Variants in UNC5D observed in about 807,000 individuals in gnomAD.
UNC5D encodes unc-5 netrin receptor D, also known as netrin receptor UNC5D.
In UNC5D, 39 loss-of-function variants were observed where a neutral mutation model predicts 105.4. That is an observed-to-expected ratio of 0.37 (90% CI 0.29 to 0.48). The LOEUF (loss-of-function observed/expected upper bound fraction) is 0.48, where lower values mean the gene tolerates loss of function less well. UNC5D is among the 20% of genes least tolerant of loss of function. UNC5D has a pLI of 0.98. For missense variants in UNC5D, 991 were observed against 1,202.4 expected (o/e 0.82, Z 2.60); for synonymous variants, 452 against 450.4 (o/e 1.00, Z -0.04).
intron 1 of UNC5D, among the ~76,000 whole-genome samples, chr8:35,466,858 C>A (rs2129752141): frequency 6.6e-6 from 1 of 152,166 alleles, no homozygotes; most frequent in Middle Eastern, 3.4e-3. Flanking sequence ...CAGTATAGGC[C>A]AATGGTGGAT....
Position 35,580,761 on chromosome 8 carries a change from T to C in UNC5D, c.466+12520T>C, listed in dbSNP as rs144087254. 1.8e-3 allele frequency among the ~76,000 whole-genome samples: 279 copies of C among 152,228 alleles called. 7 individuals are homozygous for C. In the East Asian group the frequency reaches 0.052, roughly 29 times the overall value. ...AGATTAGTGTGGATGTAGGAATCTA[T>C]AGGAGAGGAGAAAGCAGAGATGATG... On this transcript the variant is annotated intron_variant, in intron 3 of 16. Transcript: ENST00000404895.
intron 4 of UNC5D, among the ~76,000 whole-genome samples, chr8:35,621,227 TGCTTA>T (rs1296078495): frequency 6.6e-6 from 1 of 152,136 alleles, no homozygotes; most frequent in Non-Finnish European, 1.5e-5. Context: ...ATATAGCAGG[TGCTTA>T]ATAATTTTTG....
At chr8:35,346,209 GA>G (rs1233570660) in intron 1 of UNC5D, among the ~76,000 whole-genome samples, 10 of 152,006 alleles carry the variant, frequency 6.6e-5, no homozygotes, top group Admixed American at 6.6e-4. Flanking sequence ...TTGGACTGAG[GA>G]AGTCTGTGGA....
intron 1 of UNC5D, 119 bp from the exon 2 acceptor site, chr8:35,549,173 T>A (rs1410909791): frequency 3.2e-6 from 3 of 949,838 alleles, no homozygotes; most frequent in Admixed American, 2.6e-5. Flanking sequence ...GCATGCTTTA[T>A]TAATAAAGCG....
chr8:35,496,868 C>T (rs1354905003), intron 1 of UNC5D, among the ~76,000 whole-genome samples: 4 of 152,110 alleles, frequency 2.6e-5, no homozygotes. Context: ...TGGAATCATA[C>T]ATGGTTTTTT....
Position 35,659,188 on chromosome 8 carries a change from G to A in UNC5D, c.571-24359G>A, listed in dbSNP as rs368074248. Among the ~76,000 whole-genome samples, 23 of 152,238 alleles carry A rather than the reference G, an allele frequency of 1.5e-4. 1 individual carries two copies. The highest frequency in any genetic ancestry group is 5.5e-4 in the African/African-American group (23 of 41,544). On this transcript the variant is annotated intron_variant, in intron 4 of 16. Transcript: ENST00000404895. Reference sequence around the variant, plus strand: ...AAGCTGATTTATGAATTGAGAGTATGGAGTGTCAGATTTCTGTAATGAGAT... The same window carrying A: ...AAGCTGATTTATGAATTGAGAGTATAGAGTGTCAGATTTCTGTAATGAGAT...
intron 1 of UNC5D, among the ~76,000 whole-genome samples, chr8:35,354,351 G>A (rs988828873): frequency 6.6e-5 from 10 of 152,000 alleles, no homozygotes; most frequent in Admixed American, 3.3e-4. Context: ...GAAACCTCAG[G>A]GGAGAATTTT....
chr8:35,503,807 G>T (rs1192290823), intron 1 of UNC5D, among the ~76,000 whole-genome samples: 1 of 152,148 alleles, frequency 6.6e-6, no homozygotes, highest in Non-Finnish European at 1.5e-5. Flanking sequence ...GAGCCTCCCT[G>T]TGTCTGGTGC....
intron 1 of UNC5D, among the ~76,000 whole-genome samples, chr8:35,386,598 G>C (rs1803414234): frequency 6.6e-6 from 1 of 152,274 alleles, no homozygotes; most frequent in Middle Eastern, 3.4e-3. Flanking sequence ...GCCTGCACTG[G>C]GTGCACGGAA....
At chr8:35,404,477 C>T (rs190173875) in intron 1 of UNC5D, among the ~76,000 whole-genome samples, 4 of 152,300 alleles carry the variant, frequency 2.6e-5, no homozygotes, top group East Asian at 1.9e-4. Flanking sequence ...GATCTTAGAA[C>T]AGCAGAGTTG....
At chr8:35,308,895 T>G (rs1334656243) in intron 1 of UNC5D, among the ~76,000 whole-genome samples, 1 of 152,130 alleles carries the variant, frequency 6.6e-6, no homozygotes, top group Non-Finnish European at 1.5e-5. Context: ...GATGTTTTAG[T>G]CTTTAACAGG....
At chr8:35,385,512 C>G (rs972800395) in intron 1 of UNC5D, among the ~76,000 whole-genome samples, 23 of 132,900 alleles carry the variant, frequency 1.7e-4, no homozygotes, top group African/African-American at 6.6e-4. Flanking sequence ...GTCGCCCAGG[C>G]TGGAGTGCAG....
chr8:35,379,293 C>T (rs1268469317), intron 1 of UNC5D, among the ~76,000 whole-genome samples: 1 of 152,190 alleles, frequency 6.6e-6, no homozygotes, highest in Non-Finnish European at 1.5e-5. Flanking sequence ...TGCTTAGTTA[C>T]ATTTTAGCCC....
intron 3 of UNC5D, among the ~76,000 whole-genome samples, chr8:35,583,757 G>C (rs1418450040): frequency 6.6e-6 from 1 of 152,158 alleles, no homozygotes. Flanking sequence ...GGCTTTTCCT[G>C]TTGAAGATTG....
At chr8:35,377,068 T>C (rs1347382611) in intron 1 of UNC5D, among the ~76,000 whole-genome samples, 2 of 152,222 alleles carry the variant, frequency 1.3e-5, no homozygotes, top group Non-Finnish European at 2.9e-5. Flanking sequence ...ATATGAGGCT[T>C]TTTCACAAGA....
chr8:35,317,542 C>T (rs1196137688), intron 1 of UNC5D, among the ~76,000 whole-genome samples: 1 of 152,092 alleles, frequency 6.6e-6, no homozygotes, highest in Non-Finnish European at 1.5e-5. Flanking sequence ...ATTAACTAAA[C>T]TTGAAAGAGA....
chr8:35,480,364 A>G (rs1810401668), intron 1 of UNC5D, among the ~76,000 whole-genome samples: 1 of 152,192 alleles, frequency 6.6e-6, no homozygotes, highest in Admixed American at 6.6e-5. Context: ...TCTATCTTGA[A>G]GGAAGGCTTT....
At chr8:35,408,478 T>C (rs1280474865) in intron 1 of UNC5D, among the ~76,000 whole-genome samples, 3 of 150,152 alleles carry the variant, frequency 2.0e-5, no homozygotes, top group Non-Finnish European at 4.4e-5. Flanking sequence ...TACCATTTTG[T>C]CATATTATGT....
At chr8:35,489,118 T>C (rs1041753658) in intron 1 of UNC5D, among the ~76,000 whole-genome samples, 1 of 152,012 alleles carries the variant, frequency 6.6e-6, no homozygotes, top group African/African-American at 2.4e-5. Flanking sequence ...GCAATTCTCT[T>C]GCTTCAGCCT....
Sources: allele counts gnomAD v4.1 joint callset (sites outside exome capture counted in the v4.1 genomes callset), GRCh38; gene constraint gnomAD v4.1.1; transcripts MANE v1.5; gene names NCBI Gene and HGNC (gene_info 2026-07-23, HGNC 2026-07-21).